HGSNAT: variants seen among roughly 807,000 people sequenced by gnomAD.
HGSNAT encodes transmembrane protein 76.
HGSNAT carries 59 observed loss-of-function variants against 85.2 expected under a neutral mutation model. The ratio of observed to expected loss-of-function variants is 0.69; its 90% CI spans 0.56 to 0.86. HGSNAT has a LOEUF of 0.86. Among genes scored for constraint, HGSNAT ranks in the 40% least tolerant of loss-of-function variants. The probability of loss-of-function intolerance (pLI) is 0.00; values close to 1 mark genes in which losing one functional copy is unlikely to be tolerated. For missense variants in HGSNAT, 756 were observed against 777.1 expected (o/e 0.97, Z 0.32); for synonymous variants, 321 against 304.5 (o/e 1.05, Z -0.56).
At chr8:43,142,876 C>T (rs1802595135) in intron 1 of HGSNAT, among the ~76,000 whole-genome samples, 1 of 152,222 alleles carries the variant, frequency 6.6e-6, no homozygotes, top group Admixed American at 6.5e-5. Flanking sequence ...TTATTCCGCC[C>T]ACCACCAAAG....
chr8:43,141,984 C>T (rs1318221585), intron 1 of HGSNAT, among the ~76,000 whole-genome samples: 1 of 152,158 alleles, frequency 6.6e-6, no homozygotes, highest in African/African-American at 2.4e-5. Flanking sequence ...AAGGCTTTCC[C>T]TGTCACCTGG....
chr8:43,171,980 G>A (rs547359798), intron 7 of HGSNAT, among the ~76,000 whole-genome samples: 9 of 152,202 alleles, frequency 5.9e-5, no homozygotes, highest in African/African-American at 1.4e-4. Context: ...TCTTTAACCC[G>A]AGACATCTAA....
intron 1 of HGSNAT, among the ~76,000 whole-genome samples, chr8:43,142,676 T>C (rs1802588511): frequency 6.6e-6 from 1 of 152,198 alleles, no homozygotes; most frequent in Admixed American, 6.5e-5. Context: ...GATTCTGATT[T>C]AATTGGTCTG....
chr8:43,196,844 C>G (rs562194494), intron 14 of HGSNAT, 104 bp from the exon 15 acceptor site: 49 of 745,964 alleles, frequency 6.6e-5, no homozygotes, highest in Non-Finnish European at 1.0e-4. Context: ...AGTAGCGTGC[C>G]CAGCAAGTGA....
chr8:43,191,651 G>A (rs1176441066), intron 12 of HGSNAT, 56 bp downstream of exon 12: 6 of 1,580,192 alleles, frequency 3.8e-6, no homozygotes, highest in Admixed American at 1.7e-5. Flanking sequence ...CCCAGTCAGA[G>A]GTTCTGGGCT....
chr8:43,150,801 T>C (rs573777513), intron 2 of HGSNAT, among the ~76,000 whole-genome samples: 178 of 151,426 alleles, frequency 1.2e-3, no homozygotes, highest in African/African-American at 4.2e-3. Flanking sequence ...GCCACTGCAC[T>C]CCAGCCTGGG....
chr8:43,190,559 G>T (rs749380180), intron 11 of HGSNAT, among the ~76,000 whole-genome samples: 2 of 152,152 alleles, frequency 1.3e-5, no homozygotes, highest in Non-Finnish European at 2.9e-5. Context: ...TATGAAAGCT[G>T]CTATTTTCAG....
intron 11 of HGSNAT, among the ~76,000 whole-genome samples, chr8:43,189,549 T>C (rs1250891216): frequency 6.6e-6 from 1 of 152,170 alleles, no homozygotes; most frequent in East Asian, 1.9e-4. Context: ...TTCCCTTGGC[T>C]AGGAAAGGGA....
chr8:43,149,750 A>C (rs1408588728), intron 2 of HGSNAT, among the ~76,000 whole-genome samples: 1 of 152,052 alleles, frequency 6.6e-6, no homozygotes, highest in East Asian at 1.9e-4. Flanking sequence ...AGATTATAGG[A>C]GACACAAGTA....
intron 5 of HGSNAT, among the ~76,000 whole-genome samples, chr8:43,161,988 C>T (rs1290374790): frequency 1.3e-5 from 2 of 152,318 alleles, no homozygotes; most frequent in Middle Eastern, 3.4e-3. Flanking sequence ...ACTCCCTGTC[C>T]CTTGGTTAGT....
At chr8:43,198,772 C>T (rs546610059) in intron 17 of HGSNAT, among the ~76,000 whole-genome samples, 5 of 152,118 alleles carry the variant, frequency 3.3e-5, no homozygotes, top group African/African-American at 4.8e-5. Flanking sequence ...CCCTTTGATT[C>T]GAGGAATAGT....
chr8:43,196,282 T>G (rs1195379363), intron 14 of HGSNAT: 1 of 360,176 alleles, frequency 2.8e-6, no homozygotes, highest in Middle Eastern at 3.9e-4. Flanking sequence ...AAATTATTTT[T>G]AAAGCTTCTC....
chr8:43,146,247 G>C (rs1386379796), intron 1 of HGSNAT, among the ~76,000 whole-genome samples: 1 of 152,024 alleles, frequency 6.6e-6, no homozygotes, highest in Non-Finnish European at 1.5e-5. Flanking sequence ...ACCCCTCTCC[G>C]ATCTGCCATG....
At chr8:43,141,386 A>T (rs962180059) in intron 1 of HGSNAT, among the ~76,000 whole-genome samples, 3 of 152,038 alleles carry the variant, frequency 2.0e-5, no homozygotes, top group Non-Finnish European at 4.4e-5. Flanking sequence ...CTGGCTTAAG[A>T]GGCGCTCAGC....
At chr8:43,144,396 T>G (rs1216892522) in intron 1 of HGSNAT, among the ~76,000 whole-genome samples, 1 of 151,986 alleles carries the variant, frequency 6.6e-6, no homozygotes, top group Non-Finnish European at 1.5e-5. Context: ...TCTGCATTGG[T>G]TGGATGTGGC....
In HGSNAT at chr8:43,200,184, T is replaced by C. The variant is rs1041469123; in HGVS notation, c.*615T>C. 1 of 152,224 alleles carries C rather than the reference T, an allele frequency of 6.6e-6. No individual in the cohort carries two copies. The highest frequency in any genetic ancestry group is 2.4e-5 in the African/African-American group (1 of 41,456). The allele number at this position is 152,224 out of a possible 1,614,324, so 9.4% of individuals were successfully genotyped here. A position where few individuals can be genotyped will look rare whatever the true frequency, so the allele number is the denominator to read the frequency against. On this transcript the variant is annotated 3_prime_UTR_variant, in exon 18 of 18. Coordinates refer to ENST00000379644, the MANE Select transcript of HGSNAT (RefSeq NM_152419.3). The stretch of plus-strand genomic sequence containing the variant: ...TTTCCTCTCTCGAAAAGTTAAAATA[T>C]CTATGTGTTATTCCCAAACCCTCTT...
Position 43,172,295 on chromosome 8 carries a change from G to T in HGSNAT, c.744-15G>T. On this transcript the variant is annotated splice_polypyrimidine_tract_variant and intron_variant, in intron 7 of 17. Coordinates refer to ENST00000379644, the MANE Select transcript of HGSNAT (RefSeq NM_152419.3). ...AGCAAACCCTGAAAGGCTTCTCTTT[G>T]TTGGCTTCTTCTAGGATTGCTCTTA... is the stretch of plus-strand genomic sequence containing the variant. 1 of 1,595,406 alleles carries T rather than the reference G, an allele frequency of 6.3e-7. No homozygotes were observed. The highest frequency in any genetic ancestry group is 1.3e-5 in the African/African-American group (1 of 74,640).
intron 11 of HGSNAT, among the ~76,000 whole-genome samples, chr8:43,190,935 C>A (rs1281577736): frequency 4.6e-5 from 7 of 152,176 alleles, no homozygotes; most frequent in African/African-American, 1.7e-4. Context: ...CAGCCCCAGG[C>A]AACCCCAGCC....
At chr8:43,192,890 G>A (rs1804588852) in intron 13 of HGSNAT, among the ~76,000 whole-genome samples, 2 of 152,210 alleles carry the variant, frequency 1.3e-5, no homozygotes, top group Non-Finnish European at 2.9e-5. Context: ...AGGGTCACAT[G>A]CAGGAAGTGG....
Sources: allele counts gnomAD v4.1 joint callset (sites outside exome capture counted in the v4.1 genomes callset), GRCh38; gene constraint gnomAD v4.1.1; transcripts MANE v1.5; gene names NCBI Gene and HGNC (gene_info 2026-07-23, HGNC 2026-07-21).